ASIC2: variants seen among roughly 807,000 people sequenced by gnomAD.
ASIC2 encodes the protein acid sensing ion channel subunit 2.
ASIC2 carries 25 observed loss-of-function variants against 57.3 expected under a neutral mutation model. The observed-to-expected ratio is 0.44, with a 90% CI of 0.32 to 0.61. The LOEUF is 0.61. Among genes scored for constraint, ASIC2 ranks in the 20% least tolerant of loss-of-function variants. The probability of loss-of-function intolerance (pLI) is 0.06; values close to 1 mark genes in which losing one functional copy is unlikely to be tolerated. For missense variants in ASIC2, 641 were observed against 738.1 expected, an observed-to-expected ratio of 0.87 and a Z score of 1.52; for synonymous variants, 319 against 307.5, an observed-to-expected ratio of 1.04 and a Z score of -0.39.
chr17:33,133,553 C>T (rs1335987181), intron 1 of ASIC2, among the ~76,000 whole-genome samples: 1 of 152,164 alleles, frequency 6.6e-6, no homozygotes, highest in African/African-American at 2.4e-5. Context: ...TCAGAAGTTA[C>T]AAGATATTCT....
At position 33,257,057 on chromosome 17, in the gene ASIC2, A is replaced by G. The variant is rs542279438; in HGVS notation, c.708+34351T>C. 2.0e-5 allele frequency among the ~76,000 whole-genome samples: 3 copies of G among 152,288 alleles called. No individual in the cohort carries two copies. The East Asian group carries it at 5.8e-4, about 29-fold the overall frequency. On this transcript the variant is annotated intron_variant, in intron 1 of 9. Transcript: ENST00000225823. Reference sequence around the variant, plus strand: ...CCCCTGGGTCTAATGTATCCCACAAATGTGCTACCTCCCATCCCAGAGTGC... The same window carrying G: ...CCCCTGGGTCTAATGTATCCCACAAGTGTGCTACCTCCCATCCCAGAGTGC...
chr17:34,122,813 T>G (rs1348658353), intron 1 of ASIC2, among the ~76,000 whole-genome samples: 1 of 152,198 alleles, frequency 6.6e-6, no homozygotes, highest in Non-Finnish European at 1.5e-5. Flanking sequence ...TCAATTTTCA[T>G]CAGAGCAGCG....
At chr17:34,075,997 A>AT (rs1909632594) in intron 1 of ASIC2, among the ~76,000 whole-genome samples, 1 of 146,800 alleles carries the variant, frequency 6.8e-6, no homozygotes, top group Admixed American at 6.7e-5. Context: ...CCTGGCTATT[A>AT]TTTTTTATTT....
In ASIC2 at chr17:33,148,698, C is replaced by T. The variant is rs114071629; in HGVS notation, c.709-36631G>A. On this transcript the variant is annotated intron_variant, in intron 1 of 9. Coordinates refer to ENST00000225823, the MANE Select transcript of ASIC2 (RefSeq NM_183377.2). ...AGAAAGCATTTAGATGGATGTCCTG[C>T]TCAGACCTCAAAAAATATTAGCTCA... Among the ~76,000 whole-genome samples, 447 of 152,240 alleles carry T rather than the reference C, an allele frequency of 2.9e-3. 7 individuals are homozygous for T. The highest frequency in any genetic ancestry group is 0.01 in the African/African-American group (432 of 41,526).
intron 1 of ASIC2, among the ~76,000 whole-genome samples, chr17:33,806,171 T>C (rs12602387): frequency 0.09 from 13,701 of 152,156 alleles, 698 homozygotes; most frequent in East Asian, 0.19. Flanking sequence ...TGTAAATAAT[T>C]AAGCGGCAAT....
chr17:34,098,554 C>G (rs1284177109), intron 1 of ASIC2, among the ~76,000 whole-genome samples: 1 of 152,134 alleles, frequency 6.6e-6, no homozygotes, highest in African/African-American at 2.4e-5. Flanking sequence ...TACTCACAGG[C>G]TGGTGATGCT....
chr17:33,530,198 T>C (rs1450654409), intron 1 of ASIC2: 3 of 152,300 alleles, frequency 2.0e-5, no homozygotes, highest in Admixed American at 2.0e-4. Context: ...CCTTCCAGTG[T>C]CTGTGAGTAG....
rs1915736200 is a variant in ASIC2, at chr17:33,922,876, T to C, written c.555+233102A>G. Among the ~76,000 whole-genome samples, 6 of 152,288 alleles carry C rather than the reference T, an allele frequency of 3.9e-5. No individual in the cohort carries two copies. In the South Asian group the frequency reaches 1.2e-3, roughly 32 times the overall value. On this transcript the variant is annotated intron_variant, in intron 1 of 9. Transcript: ENST00000359872. ...ACAGGGTGAGGATCATGTTGATTTTTCCTATCTCAGCTGGCTGGGGATCTC... is the reference window on the plus strand; with the variant it reads ...ACAGGGTGAGGATCATGTTGATTTTCCCTATCTCAGCTGGCTGGGGATCTC...
intron 1 of ASIC2, chr17:34,038,362 T>A (rs1907972050): frequency 1.2e-6 from 2 of 1,611,014 alleles, no homozygotes; most frequent in Non-Finnish European, 1.7e-6. Context: ...ACAGCTTAAC[T>A]ATTCTGGGAT....
intron 1 of ASIC2, among the ~76,000 whole-genome samples, chr17:33,579,360 G>C (rs1002817155): frequency 1.3e-5 from 2 of 151,388 alleles, no homozygotes; most frequent in African/African-American, 2.4e-5. Context: ...GATGTGGCTT[G>C]GTATGTTTAC....
At chr17:33,568,988 G>A (rs763373850) in intron 1 of ASIC2, among the ~76,000 whole-genome samples, 1 of 152,204 alleles carries the variant, frequency 6.6e-6, no homozygotes, top group Non-Finnish European at 1.5e-5. Context: ...AAATTGATGA[G>A]TTTTGATTTA....
At chr17:34,123,060 G>C (rs1911672300) in intron 1 of ASIC2, among the ~76,000 whole-genome samples, 1 of 152,190 alleles carries the variant, frequency 6.6e-6, no homozygotes, top group South Asian at 2.1e-4. Context: ...ACAGCTCTGT[G>C]GGCATCTAGG....
chr17:33,349,479 C>T (rs1908076946), intron 1 of ASIC2, among the ~76,000 whole-genome samples: 1 of 152,110 alleles, frequency 6.6e-6, no homozygotes, highest in African/African-American at 2.4e-5. Flanking sequence ...AAAAACAGTT[C>T]TCCAGGCATG....
chr17:34,005,070 G>A (rs1209176060), intron 1 of ASIC2: 2 of 152,080 alleles, frequency 1.3e-5, no homozygotes, highest in African/African-American at 4.8e-5. Context: ...AGGGGATGAG[G>A]GGTGAGCACA....
At chr17:33,050,063 A>G (rs2091969411) in intron 3 of ASIC2, among the ~76,000 whole-genome samples, 1 of 152,170 alleles carries the variant, frequency 6.6e-6, no homozygotes, top group Admixed American at 6.5e-5. Flanking sequence ...GCTATCGGGT[A>G]AGCCTGCTCA....
intron 1 of ASIC2, among the ~76,000 whole-genome samples, chr17:34,058,754 G>C (rs947860475): frequency 6.6e-6 from 1 of 152,198 alleles, no homozygotes; most frequent in African/African-American, 2.4e-5. Context: ...GGGGAGGAGA[G>C]CAGAGCTAGC....
intron 1 of ASIC2, chr17:34,155,882 C>G: frequency 7.1e-7 from 1 of 1,411,614 alleles, no homozygotes; most frequent in East Asian, 2.3e-5. Flanking sequence ...TCTCTCCTGT[C>G]CCAAAGCACA....
At chr17:33,204,746 T>G (rs886761416) in intron 1 of ASIC2, among the ~76,000 whole-genome samples, 1 of 152,212 alleles carries the variant, frequency 6.6e-6, no homozygotes, top group African/African-American at 2.4e-5. Flanking sequence ...CGTGTGAACA[T>G]GTACATGTCC....
At chr17:33,692,940 G>A (rs541052370) in intron 1 of ASIC2, among the ~76,000 whole-genome samples, 33 of 152,144 alleles carry the variant, frequency 2.2e-4, no homozygotes, top group Non-Finnish European at 3.1e-4. Context: ...TAAATCAATC[G>A]CATATTTTAA....
Sources: gnomAD v4.1 joint callset for allele counts (sites outside exome capture counted in the v4.1 genomes callset) on GRCh38, gnomAD v4.1.1 for gene constraint, MANE v1.5 for transcripts, NCBI Gene and HGNC (gene_info 2026-07-23, HGNC 2026-07-21) for gene names.